SHANK2: variants seen among roughly 807,000 people sequenced by gnomAD.
SHANK2 encodes SH3 and multiple ankyrin repeat domains protein 2.
SHANK2 carries 43 observed loss-of-function variants against 133.7 expected under a neutral mutation model. The ratio of observed to expected loss-of-function variants is 0.32; its 90% CI spans 0.25 to 0.41. The LOEUF is 0.41. Among genes scored for constraint, SHANK2 ranks in the 10% least tolerant of loss-of-function variants. The pLI is 1.00. For missense variants in SHANK2, 1,994 were observed against 2,235.8 expected (o/e 0.89, Z 2.18); for synonymous variants, 1,017 against 952.8 (o/e 1.07, Z -1.24).
chr11:70,628,152 G>C (rs1157710552), intron 17 of SHANK2, among the ~76,000 whole-genome samples: 1 of 152,124 alleles, frequency 6.6e-6, no homozygotes, highest in Admixed American at 6.5e-5. Context: ...TAGAGACGGG[G>C]TTTCACCATG....
chr11:70,815,325 G>C (rs1948369336), intron 12 of SHANK2, among the ~76,000 whole-genome samples: 1 of 151,756 alleles, frequency 6.6e-6, no homozygotes, highest in Admixed American at 6.5e-5. Context: ...CTGTGGGGGA[G>C]GATGGGGGCA....
chr11:70,759,945 G>A (rs1342035316), intron 14 of SHANK2, among the ~76,000 whole-genome samples: 15 of 152,182 alleles, frequency 9.9e-5, no homozygotes, highest in African/African-American at 3.6e-4. Context: ...ATTCTACCTC[G>A]GAGCTTCCAG....
At chr11:71,235,405 C>A (rs1327375205) in intron 1 of SHANK2, among the ~76,000 whole-genome samples, 1 of 152,016 alleles carries the variant, frequency 6.6e-6, no homozygotes, top group Non-Finnish European at 1.5e-5. Flanking sequence ...ACCAGCCTGG[C>A]CAACATGGTG....
At chr11:70,551,056 C>A (rs1721890718) in intron 17 of SHANK2, among the ~76,000 whole-genome samples, 1 of 152,192 alleles carries the variant, frequency 6.6e-6, no homozygotes, top group Non-Finnish European at 1.5e-5. Context: ...GGAGTGCCAG[C>A]GGACCCCCTC....
At chr11:70,494,494 A>G (rs1183057453) in intron 21 of SHANK2, among the ~76,000 whole-genome samples, 1 of 152,088 alleles carries the variant, frequency 6.6e-6, no homozygotes, top group African/African-American at 2.4e-5. Context: ...GGGTTTCACC[A>G]TGTTGGCCAG....
At position 70,472,753 on chromosome 11, in the gene SHANK2, A is replaced by G; in HGVS notation, c.*116T>C. ...TCAGTATTTCTTTGGGTACCAGGAG[A>G]CAAACCCATGGAGTGGGGTTGATGC... On this transcript the variant is annotated 3_prime_UTR_variant, in exon 26 of 26. Transcript: ENST00000601538. The surrounding 1 kb of genome is among the most constrained non-coding windows in gnomAD (Gnocchi z 4.4). 9.6e-7 allele frequency: 1 copy of G among 1,041,394 alleles called. No individual in the cohort carries two copies. The highest frequency in any genetic ancestry group is 1.5e-6 in the Non-Finnish European group (1 of 663,476). 64.5% of individuals were successfully genotyped at this position (1,041,394 alleles called of 1,614,324 possible).
intron 15 of SHANK2, among the ~76,000 whole-genome samples, chr11:70,683,532 G>A (rs565452363): frequency 4.6e-5 from 7 of 152,280 alleles, no homozygotes; most frequent in Non-Finnish European, 7.3e-5. Flanking sequence ...GCCACAAACC[G>A]GGTGGTTTAA....
In SHANK2 at chr11:71,252,332, C is replaced by G. The variant is rs1948199046; in HGVS notation, c.-113+93G>C. On this transcript the variant is annotated intron_variant, in intron 1 of 25. Transcript: ENST00000601538. The surrounding 1 kb of genome is among the most constrained non-coding windows in gnomAD (Gnocchi z 6.3). ...GTTGGTGCTCCCGGAATCGAGATGC[C>G]CCCAAAATGCCGTCAGTGAGCAGGA... 2 of 152,230 alleles carry G rather than the reference C, an allele frequency of 1.3e-5. No homozygotes were observed. The highest frequency in any genetic ancestry group is 4.8e-5 in the African/African-American group (2 of 41,438). 9.4% of individuals were successfully genotyped at this position (152,230 alleles called of 1,614,324 possible). A position where few individuals can be genotyped will look rare whatever the true frequency, so the allele number is the denominator to read the frequency against.
chr11:70,822,007 C>T (rs782487843), intron 11 of SHANK2, among the ~76,000 whole-genome samples: 4 of 152,198 alleles, frequency 2.6e-5, no homozygotes, highest in Non-Finnish European at 4.4e-5. Context: ...GGGTGGCAGC[C>T]ACGCCGCAGC....
intron 17 of SHANK2, among the ~76,000 whole-genome samples, chr11:70,637,333 G>A (rs1555004648): frequency 2.0e-5 from 3 of 152,118 alleles, no homozygotes; most frequent in South Asian, 2.1e-4. Flanking sequence ...TGCTGAGTAC[G>A]GACTCAGTGT....
At chr11:70,758,961 C>A (rs12796393) in intron 14 of SHANK2, among the ~76,000 whole-genome samples, 1 of 146,010 alleles carries the variant, frequency 6.8e-6, no homozygotes, top group Non-Finnish European at 1.5e-5. Context: ...GAGATCAAGA[C>A]CTTCCTGGCC....
chr11:71,190,832 T>C (rs1229671744), intron 2 of SHANK2, among the ~76,000 whole-genome samples: 1 of 152,086 alleles, frequency 6.6e-6, no homozygotes, highest in Admixed American at 6.5e-5. Context: ...ACTTTCCCCA[T>C]CTGGAAGGTG....
chr11:70,563,059 A>G (rs574510887), intron 17 of SHANK2, among the ~76,000 whole-genome samples: 1 of 151,954 alleles, frequency 6.6e-6, no homozygotes, highest in African/African-American at 2.4e-5. Flanking sequence ...TTTAGTAGAG[A>G]GGGGTTTCAC....
chr11:70,652,764 T>C (rs1366704511), intron 17 of SHANK2, among the ~76,000 whole-genome samples: 8 of 152,242 alleles, frequency 5.3e-5, no homozygotes, highest in Middle Eastern at 3.4e-3. Flanking sequence ...TGAGCTGTGA[T>C]TGTGCCATGC....
chr11:70,931,722 GGGCAACAGCAAGGT>G (rs371633718), intron 10 of SHANK2, among the ~76,000 whole-genome samples: 1 of 152,356 alleles, frequency 6.6e-6, no homozygotes, highest in East Asian at 1.9e-4. Flanking sequence ...GTGGCACACA[GGGCAACAGCAAGGT>G]GCTGGCGCCA....
chr11:70,895,624 A>G (rs1158469434), intron 11 of SHANK2: 1 of 152,604 alleles, frequency 6.6e-6, no homozygotes, highest in Non-Finnish European at 1.5e-5. Context: ...AGAGGCAACC[A>G]GAGGGGAGCC....
chr11:71,113,264 G>C (rs1195694557), intron 5 of SHANK2, 29 bp downstream of exon 5: 1 of 1,543,564 alleles, frequency 6.5e-7, no homozygotes, highest in South Asian at 1.2e-5. Flanking sequence ...CCTGCCTAAC[G>C]TGTAAATAAC....
chr11:71,123,589 C>T (rs1419366710), intron 3 of SHANK2, among the ~76,000 whole-genome samples: 1 of 152,198 alleles, frequency 6.6e-6, no homozygotes, highest in African/African-American at 2.4e-5. Flanking sequence ...TTAAGTGACC[C>T]TTCCTGGTCC....
chr11:71,056,034 C>T (rs1950914339), intron 10 of SHANK2, among the ~76,000 whole-genome samples: 1 of 152,116 alleles, frequency 6.6e-6, no homozygotes, highest in Non-Finnish European at 1.5e-5. Context: ...AACACCCTGG[C>T]CCATGATTGG....
Sources: allele counts gnomAD v4.1 joint callset (sites outside exome capture counted in the v4.1 genomes callset), GRCh38; gene constraint gnomAD v4.1.1; non-coding constraint Gnocchi (gnomAD v3.1); transcripts MANE v1.5; gene names NCBI Gene and HGNC (gene_info 2026-07-23, HGNC 2026-07-21).